The following WDPCP variants were observed in gnomAD, a reference collection of about 807,000 sequenced individuals.
WDPCP encodes the protein WD repeat containing planar cell polarity effector.
WDPCP carries 71 observed loss-of-function variants against 93.1 expected under a neutral mutation model. That is an observed-to-expected ratio of 0.76 (90% CI 0.63 to 0.93). The LOEUF (loss-of-function observed/expected upper bound fraction) is 0.93, where lower values mean the gene tolerates loss of function less well. Among genes scored for constraint, WDPCP ranks in the 40% least tolerant of loss-of-function variants. The pLI is 0.00. For synonymous variants in WDPCP, 315 were observed against 315.0 expected, an observed-to-expected ratio of 1.00 and a Z score of 0.00; for missense variants, 844 against 887.4, an observed-to-expected ratio of 0.95 and a Z score of 0.62.
chr2:63,535,144 C>A (rs1181153037), intron 1 of WDPCP, among the ~76,000 whole-genome samples: 6 of 152,128 alleles, frequency 3.9e-5, no homozygotes, highest in Non-Finnish European at 7.4e-5. Context: ...CCTAGGAATC[C>A]AACTTACAAG....
chr2:63,353,278 G>A (rs1317930620), intron 12 of WDPCP, among the ~76,000 whole-genome samples: 1 of 152,128 alleles, frequency 6.6e-6, no homozygotes, highest in Admixed American at 6.5e-5. Flanking sequence ...TAGATACTTG[G>A]GCTTTCTGGC....
rs562001100 is a variant in WDPCP, at chr2:63,678,013, G to A, written n.309-27175C>T. On this transcript the variant is annotated intron_variant and non_coding_transcript_variant, in intron 2 of 4. Transcript: ENST00000467687. ...TTCATAATCTTTCTATGACAGGAAAGTCTGTGTATCATTTAGGAATGTGGG... is the reference window on the plus strand; with the variant it reads ...TTCATAATCTTTCTATGACAGGAAAATCTGTGTATCATTTAGGAATGTGGG... Among the ~76,000 whole-genome samples the A allele has an allele frequency of 1.1e-4, 16 of 152,268 alleles. 1 individual carries two copies. The highest frequency in any genetic ancestry group is 3.6e-4 in the African/African-American group (15 of 41,554).
intron 1 of WDPCP, among the ~76,000 whole-genome samples, chr2:63,561,848 G>A (rs577250282): frequency 6.6e-6 from 1 of 152,260 alleles, no homozygotes; most frequent in East Asian, 1.9e-4. Context: ...CAGAATGGCA[G>A]TAATTAAAAA....
intron 2 of WDPCP, among the ~76,000 whole-genome samples, chr2:63,808,334 T>A (rs999091833): frequency 7.9e-5 from 10 of 125,956 alleles, no homozygotes. Flanking sequence ...CTCTCCCCTC[T>A]CCCCTCTCCC....
chr2:63,171,402 C>T (rs1393458009), intron 15 of WDPCP, among the ~76,000 whole-genome samples: 1 of 152,042 alleles, frequency 6.6e-6, no homozygotes, highest in African/African-American at 2.4e-5. Flanking sequence ...GCTATAACAA[C>T]AAAGAATGCT....
intron 2 of WDPCP, among the ~76,000 whole-genome samples, chr2:63,795,397 G>C (rs1182384858): frequency 1.3e-5 from 2 of 151,920 alleles, no homozygotes; most frequent in African/African-American, 4.8e-5. Context: ...CAGGTGCAGT[G>C]GTGCACATCT....
chr2:63,838,660 C>G, the WDPCP span, among the ~76,000 whole-genome samples: 1 of 151,900 alleles, frequency 6.6e-6, no homozygotes, highest in African/African-American at 2.4e-5. Context: ...CATCATGCAC[C>G]TTGAAGGGAT....
intron 3 of WDPCP, among the ~76,000 whole-genome samples, chr2:63,603,378 G>A (rs898237270): frequency 2.0e-5 from 3 of 152,072 alleles, no homozygotes; most frequent in Non-Finnish European, 2.9e-5. Context: ...ATACTCAAAT[G>A]CTTTATTTAT....
At chr2:63,338,336 G>A (rs561317172) in intron 12 of WDPCP, among the ~76,000 whole-genome samples, 2 of 151,810 alleles carry the variant, frequency 1.3e-5, no homozygotes, top group South Asian at 2.1e-4. Context: ...CTGAGGTCAT[G>A]AGGTCAGGAG....
At chr2:63,465,065 A>T (rs1185845899) in intron 6 of WDPCP, among the ~76,000 whole-genome samples, 1 of 152,094 alleles carries the variant, frequency 6.6e-6, no homozygotes, top group Non-Finnish European at 1.5e-5. Context: ...CAATAAAAAA[A>T]TTAATTTAAA....
intron 9 of WDPCP, among the ~76,000 whole-genome samples, chr2:63,427,861 C>G (rs1473321842): frequency 1.3e-5 from 2 of 151,956 alleles, no homozygotes; most frequent in African/African-American, 4.8e-5. Flanking sequence ...AAAGAAGATC[C>G]AAATAAGCAG....
intron 13 of WDPCP, among the ~76,000 whole-genome samples, chr2:63,300,163 C>T (rs534048801): frequency 1.1e-4 from 17 of 152,238 alleles, no homozygotes; most frequent in African/African-American, 2.9e-4. Flanking sequence ...TCTTCCTCTA[C>T]GGAGGAAGCT....
chr2:63,337,984 C>A (rs1431009836), intron 12 of WDPCP, among the ~76,000 whole-genome samples: 1 of 152,100 alleles, frequency 6.6e-6, no homozygotes. Flanking sequence ...TTTTGCTATG[C>A]AGAAACTTTT....
intron 14 of WDPCP, among the ~76,000 whole-genome samples, chr2:63,181,469 T>A (rs1402186027): frequency 6.6e-6 from 1 of 152,104 alleles, no homozygotes; most frequent in Non-Finnish European, 1.5e-5. Flanking sequence ...TCAGGGTATG[T>A]TTGTGTTGAC....
At chr2:63,382,388 C>T (rs1692387844) in intron 10 of WDPCP, among the ~76,000 whole-genome samples, 1 of 152,014 alleles carries the variant, frequency 6.6e-6, no homozygotes, top group African/African-American at 2.4e-5. Context: ...TTAAATATGG[C>T]TGACCTCATT....
intron 13 of WDPCP, among the ~76,000 whole-genome samples, chr2:63,283,934 G>T (rs918376000): frequency 2.0e-5 from 3 of 152,154 alleles, no homozygotes; most frequent in Non-Finnish European, 4.4e-5. Context: ...ATACAAAGCT[G>T]AGAGGATTTA....
At chr2:63,355,991 T>TA (rs1327624079) in intron 12 of WDPCP, among the ~76,000 whole-genome samples, 3 of 152,196 alleles carry the variant, frequency 2.0e-5, no homozygotes, top group Admixed American at 2.0e-4. Flanking sequence ...GCAAGCTGGA[T>TA]AAAAAAGCAA....
chr2:63,681,866 A>G (rs562624667), intron 2 of WDPCP, among the ~76,000 whole-genome samples: 1 of 152,160 alleles, frequency 6.6e-6, no homozygotes, highest in African/African-American at 2.4e-5. Context: ...TTTGAGAGAA[A>G]GTAAAGGAAG....
chr2:63,295,175 A>G (rs1684751378), intron 13 of WDPCP, among the ~76,000 whole-genome samples: 2 of 152,104 alleles, frequency 1.3e-5, no homozygotes, highest in Non-Finnish European at 1.5e-5. Flanking sequence ...AAAGAGAGAG[A>G]AAAAAATATT....
Sources: allele counts gnomAD v4.1 joint callset (sites outside exome capture counted in the v4.1 genomes callset), GRCh38; gene constraint gnomAD v4.1.1; transcripts MANE v1.5; gene names NCBI Gene and HGNC (gene_info 2026-07-23, HGNC 2026-07-21).